The following CARM1 variants were observed in gnomAD, a reference collection of about 807,000 sequenced individuals.
CARM1 encodes the protein histone-arginine methyltransferase CARM1.
Under a neutral mutation model 72.7 loss-of-function variants are expected in CARM1, and 14 were observed. The ratio of observed to expected loss-of-function variants is 0.19; its 90% CI spans 0.13 to 0.30. CARM1 has a LOEUF of 0.30. Ranked by LOEUF, CARM1 falls within the 10% of genes least tolerant of loss-of-function variation. The pLI, the probability that CARM1 is intolerant of heterozygous loss-of-function variation, is 1.00. For missense variants in CARM1, 432 were observed against 833.7 expected (o/e 0.52, Z 5.93); for synonymous variants, 333 against 345.5 (o/e 0.96, Z 0.40).
At position 10,915,172 on chromosome 19, in the gene CARM1, C is replaced by T. The variant is rs559438758; in HGVS notation, c.847+1118C>T. Among the ~76,000 whole-genome samples the T allele has an allele frequency of 1.3e-4, 20 of 152,176 alleles. No homozygotes were observed. The highest frequency in any genetic ancestry group is 3.9e-4 in the African/African-American group (16 of 41,522). On this transcript the variant is annotated intron_variant, in intron 6 of 15. Transcript: ENST00000327064. The surrounding 1 kb of genome is among the most constrained non-coding windows in gnomAD (Gnocchi z 4.6). ...CTGTGCTCCTGGAGGTGGGAGGTGG[C>T]GTCCCACAGCTGTGTCTCATGTCTT...
chr19:10,921,750 G>A lies in CARM1; in HGVS notation c.1820G>A (p.Gly607Glu). ...MSIPTNTMHY[G>E]S ...ATCCCGACCAACACCATGCACTACG[G>A]GAGCTAGGGGCCCGCCCCGCGGACT... is the stretch of plus-strand genomic sequence containing the variant. Residue 607 changes from glycine to glutamate, a missense_variant, in exon 16 of 16, where the codon GGG becomes GAG. Physicochemically the swap from Gly to Glu is moderately conservative, Grantham distance 98. This residue lies in a region of CARM1 where 142 missense variants were observed against 188.7 expected (regional missense o/e 0.75). Transcript: ENST00000327064. 6.3e-7 allele frequency: 1 copy of A among 1,597,144 alleles called. No homozygotes were observed. The highest frequency in any genetic ancestry group is 1.1e-5 in the South Asian group (1 of 89,996).
intron 1 of CARM1, among the ~76,000 whole-genome samples, chr19:10,873,271 C>A (rs1021969652): frequency 1.3e-5 from 2 of 152,038 alleles, no homozygotes; most frequent in Non-Finnish European, 2.9e-5. Flanking sequence ...CAAAGGAGTT[C>A]CAGGAGAGTT....
rs138464262 is a variant in CARM1, at chr19:10,903,775, C to T, written c.221-1176C>T. 6.3e-3 allele frequency among the ~76,000 whole-genome samples: 957 copies of T among 152,234 alleles called. 12 individuals are homozygous for T. The highest frequency in any genetic ancestry group is 0.021 in the African/African-American group (854 of 41,538). ...TTTGAGACAAGGTCTTGCTCTGTCA[C>T]CCAGGCTGGAATGCAGTGGCACAGT... On this transcript the variant is annotated intron_variant, in intron 1 of 15. Transcript: ENST00000327064.
At chr19:10,873,037 C>A (rs555882691) in intron 1 of CARM1, among the ~76,000 whole-genome samples, 1 of 152,228 alleles carries the variant, frequency 6.6e-6, no homozygotes, top group Admixed American at 6.5e-5. Flanking sequence ...TCCGAGGGTG[C>A]CGTCTCTTTT....
rs978536584 is a variant in CARM1 at position 10,915,818 on chromosome 19, G to A, written c.848-589G>A. Among the ~76,000 whole-genome samples, 3 of 152,128 alleles carry A rather than the reference G, an allele frequency of 2.0e-5. No individual in the cohort carries two copies. Among genetic ancestry groups the A allele is most frequent in the Admixed American group, 2.0e-4 (3 of 15,284 alleles). ...TGCGTCTACCCTTGAGTCACAGAGG[G>A]AGGCCCTGCCCTTCCCTCAGTCTGT... On this transcript the variant is annotated intron_variant, in intron 6 of 15. Coordinates refer to ENST00000327064, the MANE Select transcript of CARM1 (RefSeq NM_199141.2). This position sits in a 1 kb window ranked among gnomAD's most constrained non-coding sequence, Gnocchi z 4.6.
intron 1 of CARM1, among the ~76,000 whole-genome samples, chr19:10,878,878 C>G (rs1192990314): frequency 6.6e-6 from 1 of 151,282 alleles, no homozygotes; most frequent in Non-Finnish European, 1.5e-5. Flanking sequence ...GTGATCTCAG[C>G]TCACTGCATC....
chr19:10,898,285 C>T (rs985507164), intron 1 of CARM1, among the ~76,000 whole-genome samples: 40 of 151,984 alleles, frequency 2.6e-4, no homozygotes, highest in African/African-American at 6.5e-4. Flanking sequence ...CCAGTCTAGG[C>T]GACAGAGTGA....
In CARM1 at chr19:10,876,655, CA is replaced by C. The variant is rs377574883; in HGVS notation, c.220+4736del. On this transcript the variant is annotated intron_variant, in intron 1 of 15. Coordinates refer to ENST00000327064, the MANE Select transcript of CARM1 (RefSeq NM_199141.2). ...CCTGGCCTACGTCCATGAGATTGGCCAAATGGCAACTACCAACACCAGGCCA... is the reference window on the plus strand; with the variant it reads ...CCTGGCCTACGTCCATGAGATTGGCCAATGGCAACTACCAACACCAGGCCA... Among the ~76,000 whole-genome samples the C allele has an allele frequency of 1.1e-3, 170 of 152,382 alleles. 1 individual carries two copies. The highest frequency in any genetic ancestry group is 4.0e-3 in the African/African-American group (167 of 41,596).
intron 1 of CARM1, among the ~76,000 whole-genome samples, chr19:10,902,037 A>C (rs968935852): frequency 1.3e-5 from 2 of 152,074 alleles, no homozygotes; most frequent in Non-Finnish European, 2.9e-5. Flanking sequence ...TGAGCTCAGG[A>C]GCTCAAGACC....
chr19:10,883,043 T>C (rs2073913623), intron 1 of CARM1, among the ~76,000 whole-genome samples: 1 of 152,116 alleles, frequency 6.6e-6, no homozygotes, highest in Non-Finnish European at 1.5e-5. Context: ...ACTCTCTGCC[T>C]TTCCTGGCTG....
chr19:10,872,011 G>T (rs1297063577), intron 1 of CARM1, 89 bp downstream of exon 1: 303 of 1,071,660 alleles, frequency 2.8e-4, no homozygotes, highest in Non-Finnish European at 3.4e-4. Flanking sequence ...GGCCCTGAGC[G>T]CGGGGGCCTG....
intron 1 of CARM1, among the ~76,000 whole-genome samples, chr19:10,898,163 C>G (rs140827330): frequency 6.6e-6 from 1 of 151,438 alleles, no homozygotes; most frequent in East Asian, 1.9e-4. Flanking sequence ...AAAAATTAGC[C>G]AGGTGTGGTG....
rs753780497 is a variant in CARM1, at chr19:10,919,798, C to G, written c.1107-79C>G. On this transcript the variant is annotated intron_variant, in intron 9 of 15. Transcript: ENST00000327064. ...CAGATGGTGGGCGGGGGCCCCAGGC[C>G]TCTGCACCTGGCACCCCCTCTTCTC... is the stretch of plus-strand genomic sequence containing the variant. 6 of 1,494,180 alleles carry G rather than the reference C, an allele frequency of 4.0e-6. No homozygotes were observed. The East Asian group carries it at 1.1e-4, about 28-fold the overall frequency. 92.6% of individuals were successfully genotyped at this position (1,494,180 alleles called of 1,614,324 possible).
intron 1 of CARM1, among the ~76,000 whole-genome samples, chr19:10,893,796 G>C (rs2074005307): frequency 6.6e-6 from 1 of 152,216 alleles, no homozygotes; most frequent in African/African-American, 2.4e-5. Context: ...CCTCCACGTG[G>C]GTTATGTCAC....
intron 1 of CARM1, among the ~76,000 whole-genome samples, chr19:10,873,421 C>A (rs1157415297): frequency 6.6e-6 from 1 of 151,556 alleles, no homozygotes; most frequent in Non-Finnish European, 1.5e-5. Flanking sequence ...TGGTGAAACC[C>A]CGTCTCTACT....
rs577010571 is a variant in CARM1 at position 10,905,846 on chromosome 19, GC to G, written c.346+773del. On this transcript the variant is annotated intron_variant, in intron 2 of 15. Coordinates refer to ENST00000327064, the MANE Select transcript of CARM1 (RefSeq NM_199141.2). ...TGTAGAGATGGGTTTTCACTGTGTT[GC>G]CCAGGCTGGTCTTGAACTCCTGGCC... Among the ~76,000 whole-genome samples the G allele has an allele frequency of 2.0e-3, 297 of 152,072 alleles. 2 individuals are homozygous for G. Among genetic ancestry groups the G allele is most frequent in the African/African-American group, 6.8e-3 (284 of 41,480 alleles).
At chr19:10,895,573 C>T (rs558768748) in intron 1 of CARM1, among the ~76,000 whole-genome samples, 3 of 152,336 alleles carry the variant, frequency 2.0e-5, no homozygotes, top group East Asian at 3.9e-4. Flanking sequence ...AACATCTCTG[C>T]GTGGTGAAGC....
chr19:10,886,440 C>T (rs1218424201), intron 1 of CARM1, among the ~76,000 whole-genome samples: 1 of 152,068 alleles, frequency 6.6e-6, no homozygotes, highest in East Asian at 1.9e-4. Flanking sequence ...ATGCAGTCCT[C>T]CCACCTCGAC....
chr19:10,890,795 A>ATTTTTTTTTTTT (rs67421012), intron 1 of CARM1, among the ~76,000 whole-genome samples: 11 of 47,454 alleles, frequency 2.3e-4, no homozygotes, highest in Admixed American at 3.5e-4. Flanking sequence ...ATATATATAT[A>ATTTTTTTTTTTT]TTTTTTTTTT....
Sources: allele counts gnomAD v4.1 joint callset (sites outside exome capture counted in the v4.1 genomes callset), GRCh38; gene constraint gnomAD v4.1.1; regional missense constraint gnomAD v4.1.1; non-coding constraint Gnocchi (gnomAD v3.1); transcripts MANE v1.5; gene names NCBI Gene and HGNC (gene_info 2026-07-23, HGNC 2026-07-21).